OR9Q1: variants seen among roughly 807,000 people sequenced by gnomAD.
The protein encoded by OR9Q1 is olfactory receptor family 9 subfamily Q member 1.
For synonymous variants in OR9Q1, 153 were observed against 148.6 expected, an observed-to-expected ratio of 1.03 and a Z score of -0.22; for missense variants, 374 against 378.8, an observed-to-expected ratio of 0.99 and a Z score of 0.11.
intron 2 of OR9Q1, among the ~76,000 whole-genome samples, chr11:58,126,372 C>T (rs1046782184): frequency 2.0e-5 from 3 of 152,170 alleles, no homozygotes; most frequent in African/African-American, 4.8e-5. Flanking sequence ...TTCAGTAGAA[C>T]CTCTCTGTGT....
In OR9Q1 at chr11:58,180,142, A is replaced by C; in HGVS notation, c.698A>C (p.Gln233Pro). The C allele has an allele frequency of 6.2e-7, 1 of 1,614,128 alleles. No individual in the cohort carries two copies. The highest frequency in any genetic ancestry group is 1.3e-5 in the African/African-American group (1 of 75,034). ...ATCATGGGGATCCCTGCTGGAAGCC[A>C]GGCCAAGACCTTCTCCACCTGCACC... ...VAIMGIPAGS[Q>P]AKTFSTCTSH... Residue 233 changes from glutamine (Q) to proline (P), a missense_variant, in exon 3 of 3, where the codon CAG becomes CCG. Transcript: ENST00000335397.
intron 1 of OR9Q1, among the ~76,000 whole-genome samples, chr11:58,037,650 T>C (rs550595370): frequency 6.5e-4 from 39 of 59,834 alleles, no homozygotes; most frequent in Non-Finnish European, 1.0e-3. Context: ...TCTTAAAGAA[T>C]AACTATATAT....
Position 58,161,178 on chromosome 11 carries a change from C to T in OR9Q1, c.-14-18253C>T, listed in dbSNP as rs568162849. On this transcript the variant is annotated intron_variant, in intron 2 of 2. Transcript: ENST00000335397. ...TTGATGGTGCAGCAAACCAACATGGCACATGTATACCTATGTAACAAACCT... is the reference window on the plus strand; with the variant it reads ...TTGATGGTGCAGCAAACCAACATGGTACATGTATACCTATGTAACAAACCT... 1.5e-4 allele frequency among the ~76,000 whole-genome samples: 22 copies of T among 149,966 alleles called. No homozygotes were observed. In the South Asian group the frequency reaches 2.1e-3, roughly 14 times the overall value.
chr11:58,173,169 G>GT (rs1854570802), intron 2 of OR9Q1, among the ~76,000 whole-genome samples: 1 of 151,500 alleles, frequency 6.6e-6, no homozygotes. Context: ...AAGTTCTAGG[G>GT]TACATGTGCA....
At chr11:58,046,700 A>G (rs1417260645) in intron 1 of OR9Q1, among the ~76,000 whole-genome samples, 1 of 152,088 alleles carries the variant, frequency 6.6e-6, no homozygotes, top group Non-Finnish European at 1.5e-5. Context: ...CGTCTCTACT[A>G]AAAATACAAA....
chr11:58,148,798 G>T (rs1854323198), intron 2 of OR9Q1, among the ~76,000 whole-genome samples: 1 of 152,192 alleles, frequency 6.6e-6, no homozygotes. Context: ...AATCACCAGA[G>T]AAATTGGGGA....
chr11:58,104,920 A>AT (rs1487010050), intron 2 of OR9Q1, among the ~76,000 whole-genome samples: 15 of 152,080 alleles, frequency 9.9e-5, no homozygotes, highest in Admixed American at 6.6e-4. Context: ...TAAATAACAT[A>AT]TTTTTTTGGA....
At chr11:58,154,077 GAGAAGAAGA>G (rs761983089) in intron 2 of OR9Q1, among the ~76,000 whole-genome samples, 2 of 151,238 alleles carry the variant, frequency 1.3e-5, no homozygotes, top group Admixed American at 6.6e-5. Context: ...GAGAGAGCGA[GAGAAGAAGA>G]AGAAGAAGAA....
chr11:58,034,735 T>TTTCTTTCCTTCC (rs1554964474), intron 1 of OR9Q1, among the ~76,000 whole-genome samples: 2 of 111,476 alleles, frequency 1.8e-5, no homozygotes, highest in East Asian at 2.9e-4. Flanking sequence ...GGTTTCTTTC[T>TTTCTTTCCTTCC]TTCCTTCCTT....
intron 2 of OR9Q1, among the ~76,000 whole-genome samples, chr11:58,112,174 T>G (rs372275886): frequency 6.6e-6 from 1 of 151,994 alleles, no homozygotes; most frequent in African/African-American, 2.4e-5. Flanking sequence ...GTGCTTGTAA[T>G]CCCAATTACT....
At chr11:58,061,539 C>A (rs1189084239) in intron 2 of OR9Q1, among the ~76,000 whole-genome samples, 1 of 152,164 alleles carries the variant, frequency 6.6e-6, no homozygotes, top group Non-Finnish European at 1.5e-5. Context: ...CAGTAACTAG[C>A]GTTTGTAAGA....
intron 1 of OR9Q1, among the ~76,000 whole-genome samples, chr11:58,027,357 C>T (rs753303901): frequency 7.9e-5 from 12 of 152,130 alleles, no homozygotes; most frequent in Non-Finnish European, 1.0e-4. Context: ...ATGTAACAGT[C>T]CTGTGTGAGT....
At position 58,139,480 on chromosome 11, in the gene OR9Q1, G is replaced by A. The variant is rs1192451041; in HGVS notation, c.-14-39951G>A. Among the ~76,000 whole-genome samples the A allele has an allele frequency of 4.6e-5, 7 of 151,720 alleles. No individual in the cohort carries two copies. In the East Asian group the frequency reaches 1.2e-3, roughly 25 times the overall value. ...CCCAGTGTGTGATGTTCCCCTTCCTGTGTCTATGTGTTCTCATTGTTCAAT... is the reference window on the plus strand; with the variant it reads ...CCCAGTGTGTGATGTTCCCCTTCCTATGTCTATGTGTTCTCATTGTTCAAT... On this transcript the variant is annotated intron_variant, in intron 2 of 2. Transcript: ENST00000335397.
intron 2 of OR9Q1, among the ~76,000 whole-genome samples, chr11:58,095,136 A>G (rs544476273): frequency 1.3e-5 from 2 of 152,370 alleles, no homozygotes; most frequent in South Asian, 4.1e-4. Context: ...CTGTAGCAAG[A>G]GCTTTCAAAC....
chr11:58,130,967 G>A (rs544907106), intron 2 of OR9Q1, among the ~76,000 whole-genome samples: 2 of 152,074 alleles, frequency 1.3e-5, no homozygotes, highest in South Asian at 2.1e-4. Flanking sequence ...TATAATCATG[G>A]TACTGTTATT....
In OR9Q1 at chr11:58,031,873, A is replaced by C. The variant is rs778080197; in HGVS notation, c.-93+7769A>C. 97 of 1,612,966 alleles carry C rather than the reference A, an allele frequency of 6.0e-5. 2 individuals carry two copies. The South Asian group carries it at 1.0e-3, about 17-fold the overall frequency. ...AGGAAGTGAAGGGAGCTCTGGGTCG[A>C]GTCTTTTCTCTCAACTTTTGGAAGG... is the stretch of plus-strand genomic sequence containing the variant. On this transcript the variant is annotated intron_variant, in intron 1 of 2. Coordinates refer to ENST00000335397, the MANE Select transcript of OR9Q1 (RefSeq NM_001005212.4).
chr11:58,097,016 A>AT (rs1337861238), intron 2 of OR9Q1, among the ~76,000 whole-genome samples: 5 of 152,126 alleles, frequency 3.3e-5, no homozygotes, highest in East Asian at 1.9e-4. Flanking sequence ...ATTTTTAAAT[A>AT]TTTTTTGTAG....
chr11:58,093,631 G>A (rs1853704024), intron 2 of OR9Q1, among the ~76,000 whole-genome samples: 2 of 151,714 alleles, frequency 1.3e-5, no homozygotes, highest in Non-Finnish European at 2.9e-5. Flanking sequence ...ATGGTGGTGG[G>A]TGCCTGTAGT....
At chr11:58,085,860 A>C (rs935492119) in intron 2 of OR9Q1, among the ~76,000 whole-genome samples, 1 of 151,620 alleles carries the variant, frequency 6.6e-6, no homozygotes, top group South Asian at 2.1e-4. Context: ...AGAACCCCGC[A>C]CCCATCCACA....
Sources: allele counts gnomAD v4.1 joint callset (sites outside exome capture counted in the v4.1 genomes callset), GRCh38; gene constraint gnomAD v4.1.1; transcripts MANE v1.5; gene names NCBI Gene and HGNC (gene_info 2026-07-23, HGNC 2026-07-21).